The following NAALADL2 variants were observed in gnomAD, a reference collection of about 807,000 sequenced individuals.
NAALADL2 encodes N-acetylated alpha-linked acidic dipeptidase like 2.
A neutral mutation model predicts 87.2 loss-of-function variants in NAALADL2; 76 were observed. The ratio of observed to expected loss-of-function variants is 0.87; its 90% CI spans 0.72 to 1.05. The LOEUF is 1.05. Among genes scored for constraint, NAALADL2 ranks in the 50% least tolerant of loss-of-function variants. The pLI is 0.00. For synonymous variants in NAALADL2, 354 were observed against 331.0 expected (o/e 1.07, Z -0.75); for missense variants, 1,089 against 945.8 (o/e 1.15, Z -1.99).
chr3:174,662,460 A>G (rs1390091188), intron 2 of NAALADL2, among the ~76,000 whole-genome samples: 1 of 152,218 alleles, frequency 6.6e-6, no homozygotes, highest in Non-Finnish European at 1.5e-5. Flanking sequence ...TTAAGCTTTC[A>G]TAGCTGACTC....
chr3:174,843,905 T>C (rs1234749873), intron 3 of NAALADL2, among the ~76,000 whole-genome samples: 5 of 152,172 alleles, frequency 3.3e-5, no homozygotes, highest in African/African-American at 9.7e-5. Context: ...GTTTAAAGTG[T>C]TTATATATTA....
At chr3:175,640,616 A>G (rs1729151028) in intron 11 of NAALADL2, among the ~76,000 whole-genome samples, 1 of 152,176 alleles carries the variant, frequency 6.6e-6, no homozygotes, top group Non-Finnish European at 1.5e-5. Context: ...TTTTTCATAA[A>G]CATTTATTTA....
chr3:174,644,780 T>C (rs1723610228), intron 2 of NAALADL2, among the ~76,000 whole-genome samples: 1 of 152,224 alleles, frequency 6.6e-6, no homozygotes, highest in African/African-American at 2.4e-5. Flanking sequence ...TCAAGATATT[T>C]GTGCCTCTTC....
intron 4 of NAALADL2, among the ~76,000 whole-genome samples, chr3:175,305,694 G>T (rs1023288480): frequency 8.1e-4 from 123 of 151,860 alleles, no homozygotes; most frequent in Middle Eastern, 3.5e-3. Context: ...GGCTAATTTT[G>T]TATTTTTAGT....
intron 9 of NAALADL2, among the ~76,000 whole-genome samples, chr3:175,510,171 A>G (rs2149392001): frequency 6.6e-6 from 1 of 152,188 alleles, no homozygotes; most frequent in South Asian, 2.1e-4. Context: ...GTGCGAGCCG[A>G]GTGAAAGGGG....
chr3:174,934,900 G>A (rs1455040751), intron 1 of NAALADL2, among the ~76,000 whole-genome samples: 1 of 151,562 alleles, frequency 6.6e-6, no homozygotes, highest in Non-Finnish European at 1.5e-5. Context: ...TTTGGGTGGA[G>A]CACCGAGAGG....
intron 2 of NAALADL2, among the ~76,000 whole-genome samples, chr3:174,593,382 T>C (rs143488679): frequency 5.5e-4 from 84 of 152,274 alleles, no homozygotes; most frequent in Middle Eastern, 3.4e-3. Context: ...GTGTTCACTT[T>C]TGAGGAAGGC....
intron 5 of NAALADL2, among the ~76,000 whole-genome samples, chr3:175,366,305 G>A (rs1560438304): frequency 6.6e-6 from 1 of 151,370 alleles, no homozygotes; most frequent in Non-Finnish European, 1.5e-5. Context: ...TGTGAATAGT[G>A]CCTCAATAAA....
At chr3:174,736,302 G>T (rs1329912514) in intron 2 of NAALADL2, among the ~76,000 whole-genome samples, 1 of 152,128 alleles carries the variant, frequency 6.6e-6, no homozygotes, top group African/African-American at 2.4e-5. Flanking sequence ...CCATTCAGTG[G>T]GTCCTGAGTT....
intron 5 of NAALADL2, among the ~76,000 whole-genome samples, chr3:175,360,820 GTGTGTA>G (rs745606999): frequency 0.053 from 5,621 of 106,766 alleles, 191 homozygotes; most frequent in African/African-American, 0.12. Flanking sequence ...CTGTGTGTGT[GTGTGTA>G]TGTGTGTGTG....
At chr3:175,019,837 C>T (rs1306641764) in intron 1 of NAALADL2, among the ~76,000 whole-genome samples, 2 of 152,056 alleles carry the variant, frequency 1.3e-5, no homozygotes, top group Non-Finnish European at 2.9e-5. Flanking sequence ...TATTTAGTTG[C>T]ATCCAAAAGT....
chr3:175,659,072 TTTAG>T (rs1473108839), intron 11 of NAALADL2, among the ~76,000 whole-genome samples: 2 of 152,176 alleles, frequency 1.3e-5, no homozygotes, highest in African/African-American at 4.8e-5. Flanking sequence ...CTACGGGAAA[TTTAG>T]TTAAACTCCC....
intron 2 of NAALADL2, among the ~76,000 whole-genome samples, chr3:175,160,991 G>T (rs1288494301): frequency 6.6e-6 from 1 of 151,916 alleles, no homozygotes; most frequent in East Asian, 1.9e-4. Flanking sequence ...TCCTATTTCG[G>T]TGGGATAGTC....
intron 5 of NAALADL2, among the ~76,000 whole-genome samples, chr3:175,377,716 A>G (rs1487254355): frequency 6.6e-6 from 1 of 152,158 alleles, no homozygotes; most frequent in South Asian, 2.1e-4. Flanking sequence ...TCCTGTGTCT[A>G]TAAAAGCCCC....
At chr3:174,789,912 C>T (rs1366301560) in intron 3 of NAALADL2, among the ~76,000 whole-genome samples, 1 of 152,190 alleles carries the variant, frequency 6.6e-6, no homozygotes, top group African/African-American at 2.4e-5. Flanking sequence ...CCAAGCCTGA[C>T]TCTGGAAGCA....
intron 11 of NAALADL2, among the ~76,000 whole-genome samples, chr3:175,728,512 T>C (rs927490316): frequency 6.6e-6 from 1 of 152,140 alleles, no homozygotes; most frequent in Non-Finnish European, 1.5e-5. Flanking sequence ...ATTCTGTTCA[T>C]CTTCAGGAAA....
rs1252995251 is a variant in NAALADL2, at chr3:175,230,783, G to C, written c.546-3148G>C. 4.6e-5 allele frequency among the ~76,000 whole-genome samples: 7 copies of C among 151,918 alleles called. No homozygotes were observed. The East Asian group carries it at 1.4e-3, about 29-fold the overall frequency. On this transcript the variant is annotated intron_variant, in intron 2 of 13. Transcript: ENST00000454872. ...AAATAATGGACAATACCAACTATTG[G>C]CGAGGAATGGAGGAAGTAGAACTGT... is the stretch of plus-strand genomic sequence containing the variant.
In NAALADL2 at chr3:175,774,786, AAAAGTAAAAAT is replaced by A. The variant is rs548788720; in HGVS notation, c.2189+19374_2189+19384del. Among the ~76,000 whole-genome samples the A allele has an allele frequency of 3.7e-4, 57 of 152,186 alleles. 1 individual carries two copies. Among genetic ancestry groups the A allele is most frequent in the Admixed American group, 1.8e-3 (27 of 15,270 alleles). On this transcript the variant is annotated intron_variant, in intron 13 of 13. Transcript: ENST00000454872. ...CATTTGATTTTAAGACATACTACCG[AAAAGTAAAAAT>A]AAAGTGAAAATATAACATTAATAAT...
chr3:174,982,629 A>G (rs1457306294), intron 1 of NAALADL2, among the ~76,000 whole-genome samples: 1 of 152,204 alleles, frequency 6.6e-6, no homozygotes. Flanking sequence ...ACATCTTACT[A>G]TATAACGTAA....
Sources: allele counts gnomAD v4.1 joint callset (sites outside exome capture counted in the v4.1 genomes callset), GRCh38; gene constraint gnomAD v4.1.1; transcripts MANE v1.5; gene names NCBI Gene and HGNC (gene_info 2026-07-23, HGNC 2026-07-21).